TMEM247: variants seen among roughly 807,000 people sequenced by gnomAD.
TMEM247 encodes the protein transmembrane protein 247.
A neutral mutation model predicts 20.7 loss-of-function variants in TMEM247; 23 were observed. The ratio of observed to expected loss-of-function variants is 1.11; its 90% CI spans 0.80 to 1.57. TMEM247 has a LOEUF of 1.57. Among genes scored for constraint, TMEM247 ranks in the 40% most tolerant of loss-of-function variants. The probability of loss-of-function intolerance (pLI) is 0.00; values close to 1 mark genes in which losing one functional copy is unlikely to be tolerated. For synonymous variants in TMEM247, 106 were observed against 111.9 expected (o/e 0.95, Z 0.33); for missense variants, 354 against 283.8 (o/e 1.25, Z -1.78).
chr2:46,480,600 G>C, exon 2 of TMEM247: 1 of 1,550,020 alleles, frequency 6.5e-7, no homozygotes, highest in Non-Finnish European at 8.7e-7. Context: ...TCCCGAGATG[G>C]AGCTGGAGAA....
exon 2 of TMEM247, chr2:46,480,430 C>T: frequency 6.5e-7 from 1 of 1,550,182 alleles, no homozygotes; most frequent in Non-Finnish European, 8.7e-7. Flanking sequence ...AAGCCAGACT[C>T]CTCCTATGAC....
At chr2:46,480,823 G>T in intron 2 of TMEM247, 59 bp downstream of exon 2, 2 of 1,482,144 alleles carry the variant, frequency 1.3e-6, no homozygotes, top group South Asian at 2.7e-5. Context: ...AGTCCCATGG[G>T]GCCTGGAGCA....
intron 2 of TMEM247, among the ~76,000 whole-genome samples, chr2:46,484,010 C>G (rs1210114012): frequency 6.6e-6 from 1 of 152,124 alleles, no homozygotes; most frequent in Non-Finnish European, 1.5e-5. Flanking sequence ...AGGCTGGTCT[C>G]AAACTCCTGG....
chr2:46,480,610 A>G (rs1338545178), exon 2 of TMEM247: 11 of 1,502,796 alleles, frequency 7.3e-6, no homozygotes, highest in Non-Finnish European at 9.8e-6. Context: ...GAGCTGGAGA[A>G]GGTGCGCATG....
At chr2:46,480,983 A>G (rs913942484) in intron 2 of TMEM247, among the ~76,000 whole-genome samples, 33 of 152,080 alleles carry the variant, frequency 2.2e-4, no homozygotes, top group African/African-American at 7.7e-4. Flanking sequence ...AAAGCTCGCT[A>G]CCCTACCTGG....
At chr2:46,483,528 T>C (rs1459243608) in intron 2 of TMEM247, among the ~76,000 whole-genome samples, 1 of 152,158 alleles carries the variant, frequency 6.6e-6, no homozygotes, top group African/African-American at 2.4e-5. Context: ...GAAACTAGGT[T>C]GAATGTCAGG....
chr2:46,480,520 C>A (rs1686859360), exon 2 of TMEM247: 1 of 1,551,722 alleles, frequency 6.4e-7, no homozygotes, highest in African/African-American at 1.4e-5. Flanking sequence ...TCCTGCCGTG[C>A]TACCAAAGGC....
At chr2:46,479,963 C>T (rs777312364) in intron 1 of TMEM247, among the ~76,000 whole-genome samples, 1 of 152,102 alleles carries the variant, frequency 6.6e-6, no homozygotes, top group Non-Finnish European at 1.5e-5. Context: ...TAGGACCTGG[C>T]TCCCCACCAT....
rs61995899 is a variant in TMEM247, at chr2:46,480,570, A to G, written c.283A>G (p.Thr95Ala). ...ACCCAAACCCGCAGAGCTGCCCCCG[A>G]CCCCTGGGACTGAGCGCAATCCCGA... Residue 95 changes from threonine (T) to alanine (A), a missense_variant, in exon 2 of 3, where the codon ACC (threonine) becomes GCC (alanine). Coordinates refer to ENST00000434431, the Ensembl canonical transcript of TMEM247. The G allele has an allele frequency of 0.015, 23,988 of 1,551,474 alleles. 3,170 individuals are homozygous for G. The African/African-American group carries it at 0.29, about 19-fold the overall frequency.
chr2:46,480,441 T>C (rs1014274547), exon 2 of TMEM247: 1 of 1,551,192 alleles, frequency 6.4e-7, no homozygotes, highest in Non-Finnish European at 8.7e-7. Context: ...CTCCTATGAC[T>C]ACTTGGAAGA....
intron 2 of TMEM247, among the ~76,000 whole-genome samples, chr2:46,481,898 G>T (rs576714738): frequency 1.3e-5 from 2 of 152,292 alleles, no homozygotes; most frequent in African/African-American, 4.8e-5. Flanking sequence ...AAATGTCTCT[G>T]TATAGGTTGG....
At chr2:46,480,722 G>A (rs1299964158) in exon 2 of TMEM247, 1 of 1,551,490 alleles carries the variant, frequency 6.4e-7, no homozygotes. Context: ...GGCAGCACGA[G>A]GTGGTGATGG....
At chr2:46,480,585 C>T (rs1686862208) in exon 2 of TMEM247, 3 of 1,551,742 alleles carry the variant, frequency 1.9e-6, no homozygotes, top group South Asian at 2.4e-5. Context: ...TGGGACTGAG[C>T]GCAATCCCGA....
At chr2:46,479,665 G>C in exon 1 of TMEM247, 1 of 1,551,798 alleles carries the variant, frequency 6.4e-7, no homozygotes, top group Non-Finnish European at 8.7e-7. Context: ...ATGGTGCCTG[G>C]TGACTCCAAG....
exon 2 of TMEM247, chr2:46,480,564 C>A (rs1439876404): frequency 3.9e-6 from 6 of 1,551,566 alleles, no homozygotes; most frequent in Non-Finnish European, 5.2e-6. Flanking sequence ...CGCAGAGCTG[C>A]CCCCGACCCC....
intron 2 of TMEM247, 54 bp from the exon 3 acceptor site, chr2:46,484,190 C>G: frequency 6.7e-7 from 1 of 1,483,804 alleles, no homozygotes; most frequent in South Asian, 1.3e-5. Flanking sequence ...GAACCTAGAT[C>G]TGCCTGGCGC....
chr2:46,479,828 C>G, intron 1 of TMEM247, 126 bp downstream of exon 1: 1 of 674,696 alleles, frequency 1.5e-6, no homozygotes, highest in Non-Finnish European at 2.6e-6. Flanking sequence ...TACCCCAGCC[C>G]TGTAACTGGC....
At chr2:46,484,136 G>A in intron 2 of TMEM247, 108 bp from the exon 3 acceptor site, 1 of 979,104 alleles carries the variant, frequency 1.0e-6, no homozygotes, top group African/African-American at 1.7e-5. Context: ...TTTAGGTGAA[G>A]ATGATGACTT....
intron 2 of TMEM247, 117 bp downstream of exon 2, chr2:46,480,881 G>T (rs1572684903): frequency 1.5e-6 from 2 of 1,349,554 alleles, no homozygotes; most frequent in East Asian, 2.5e-5. Flanking sequence ...TGCAGATCCT[G>T]GATCTCGGCT....
Sources: gnomAD v4.1 joint callset for allele counts (sites outside exome capture counted in the v4.1 genomes callset) on GRCh38, gnomAD v4.1.1 for gene constraint, MANE v1.5 for transcripts, NCBI Gene and HGNC (gene_info 2026-07-23, HGNC 2026-07-21) for gene names.